The following MYO3B variants were observed in gnomAD, a reference collection of about 807,000 sequenced individuals.
MYO3B encodes the protein myosin IIIB.
A neutral mutation model predicts 174.6 loss-of-function variants in MYO3B; 156 were observed. That is an observed-to-expected ratio of 0.89 (90% CI 0.78 to 1.02). The LOEUF (loss-of-function observed/expected upper bound fraction) is 1.02, where lower values mean the gene tolerates loss of function less well. Among genes scored for constraint, MYO3B ranks in the 50% least tolerant of loss-of-function variants. The probability of loss-of-function intolerance (pLI) is 0.00; values close to 1 mark genes in which losing one functional copy is unlikely to be tolerated. For synonymous variants in MYO3B, 563 were observed against 569.1 expected (o/e 0.99, Z 0.15); for missense variants, 1,632 against 1,639.4 (o/e 1.00, Z 0.08).
chr2:170,515,255 C>T (rs958989447), intron 29 of MYO3B, among the ~76,000 whole-genome samples: 1 of 152,186 alleles, frequency 6.6e-6, no homozygotes, highest in African/African-American at 2.4e-5. Flanking sequence ...TCACAGTTGC[C>T]CCTCCACCTC....
intron 7 of MYO3B, among the ~76,000 whole-genome samples, chr2:170,263,827 T>C (rs2093362774): frequency 6.6e-6 from 1 of 152,120 alleles, no homozygotes; most frequent in African/African-American, 2.4e-5. Context: ...GGCCTTCCTC[T>C]TTTACTAATC....
intron 22 of MYO3B, among the ~76,000 whole-genome samples, chr2:170,437,577 A>G (rs1208770488): frequency 6.6e-6 from 1 of 152,140 alleles, no homozygotes; most frequent in Admixed American, 6.5e-5. Flanking sequence ...TTACCATTAG[A>G]TGATACTTTT....
At chr2:170,318,326 G>A (rs2093790217) in intron 7 of MYO3B, among the ~76,000 whole-genome samples, 1 of 152,170 alleles carries the variant, frequency 6.6e-6, no homozygotes, top group Non-Finnish European at 1.5e-5. Flanking sequence ...CCATGTTAAT[G>A]GTTAACTAGA....
At chr2:170,223,151 T>G (rs6433182) in intron 6 of MYO3B, among the ~76,000 whole-genome samples, 2 of 152,152 alleles carry the variant, frequency 1.3e-5, no homozygotes, top group Admixed American at 1.3e-4. Context: ...TATTATCTCC[T>G]GAGATGTTTG....
chr2:170,597,187 G>A (rs983749484), intron 32 of MYO3B, among the ~76,000 whole-genome samples: 12 of 151,976 alleles, frequency 7.9e-5, no homozygotes, highest in African/African-American at 9.6e-5. Context: ...CCTGGCCAAC[G>A]TGGTGAAACC....
intron 9 of MYO3B, among the ~76,000 whole-genome samples, chr2:170,375,468 G>A (rs1482504232): frequency 1.3e-5 from 2 of 151,734 alleles, no homozygotes; most frequent in Non-Finnish European, 2.9e-5. Flanking sequence ...AAATGCCAAG[G>A]GTCTGTTCTA....
intron 32 of MYO3B, among the ~76,000 whole-genome samples, chr2:170,603,893 G>A (rs534303086): frequency 1.3e-5 from 2 of 152,234 alleles, no homozygotes; most frequent in African/African-American, 2.4e-5. Flanking sequence ...TGGTGGTCCC[G>A]TAAGATTATA....
At chr2:170,471,519 T>G (rs1684975943) in intron 25 of MYO3B, among the ~76,000 whole-genome samples, 1 of 152,226 alleles carries the variant, frequency 6.6e-6, no homozygotes. Context: ...CTGGGAGTTT[T>G]GTAGTTTTAC....
chr2:170,518,633 G>A (rs978408449), intron 29 of MYO3B, among the ~76,000 whole-genome samples: 3 of 152,192 alleles, frequency 2.0e-5, no homozygotes, highest in Admixed American at 2.0e-4. Flanking sequence ...TGGAAGCAGT[G>A]TCTCTCAAAA....
At chr2:170,317,446 A>T (rs1445924888) in intron 7 of MYO3B, among the ~76,000 whole-genome samples, 13 of 145,374 alleles carry the variant, frequency 8.9e-5, no homozygotes, top group Non-Finnish European at 1.8e-4. Context: ...TTCCTGGATG[A>T]TTCTATGCAA....
intron 7 of MYO3B, among the ~76,000 whole-genome samples, chr2:170,275,344 T>G (rs902697866): frequency 6.6e-6 from 1 of 152,182 alleles, no homozygotes; most frequent in Non-Finnish European, 1.5e-5. Flanking sequence ...TTTCAAGACT[T>G]CCCGATGTCT....
At chr2:170,382,356 T>G (rs1365549607) in intron 10 of MYO3B, 2 of 344,928 alleles carry the variant, frequency 5.8e-6, no homozygotes, top group South Asian at 1.7e-4. Context: ...GCTCTTTATA[T>G]TGTAGCCTTA....
At chr2:170,236,634 G>C (rs149665466) in intron 7 of MYO3B, among the ~76,000 whole-genome samples, 12 of 152,126 alleles carry the variant, frequency 7.9e-5, no homozygotes, top group African/African-American at 2.9e-4. Flanking sequence ...TGCGGAAAGA[G>C]GTCTGTTTGG....
At chr2:170,223,108 A>G (rs977360046) in intron 6 of MYO3B, among the ~76,000 whole-genome samples, 1 of 151,892 alleles carries the variant, frequency 6.6e-6, no homozygotes, top group Non-Finnish European at 1.5e-5. Flanking sequence ...GTTCTCTCCT[A>G]CCTACTCTCA....
At chr2:170,390,219 G>C (rs2094402406) in intron 14 of MYO3B, among the ~76,000 whole-genome samples, 1 of 152,182 alleles carries the variant, frequency 6.6e-6, no homozygotes, top group Non-Finnish European at 1.5e-5. Flanking sequence ...CAGGAAGATA[G>C]CTTGTTTGAG....
intron 29 of MYO3B, among the ~76,000 whole-genome samples, chr2:170,517,921 G>A (rs1043262360): frequency 2.4e-4 from 37 of 151,944 alleles, no homozygotes; most frequent in Non-Finnish European, 1.5e-5. Flanking sequence ...AACAGGTGGT[G>A]GCTATTTTTC....
chr2:170,304,898 G>GT (rs201296686), intron 7 of MYO3B, among the ~76,000 whole-genome samples: 3,307 of 147,742 alleles, frequency 0.022, 133 homozygotes, highest in African/African-American at 0.077. Context: ...TTTGTTTAAG[G>GT]TTTATTTTTT....
At chr2:170,520,471 A>ATG (rs1688609509) in intron 30 of MYO3B, among the ~76,000 whole-genome samples, 1 of 151,508 alleles carries the variant, frequency 6.6e-6, no homozygotes, top group Non-Finnish European at 1.5e-5. Flanking sequence ...ACACACATAT[A>ATG]TATACACATA....
At position 170,476,443 on chromosome 2, in the gene MYO3B, G is replaced by A. The variant is rs115897955; in HGVS notation, c.3014+9732G>A. Reference sequence around the variant, plus strand: ...TCATACATGGGCTTGAAGGATGAATGCAGGGGTTTTATTGAGTGGTGGAAG... The same window carrying A: ...TCATACATGGGCTTGAAGGATGAATACAGGGGTTTTATTGAGTGGTGGAAG... On this transcript the variant is annotated intron_variant, in intron 25 of 34. Coordinates refer to ENST00000408978, the MANE Select transcript of MYO3B (RefSeq NM_138995.5). Among the ~76,000 whole-genome samples the A allele has an allele frequency of 4.2e-3, 638 of 152,254 alleles. 5 individuals carry two copies. The highest frequency in any genetic ancestry group is 7.2e-3 in the Non-Finnish European group (488 of 68,024).
Sources: allele counts gnomAD v4.1 joint callset (sites outside exome capture counted in the v4.1 genomes callset), GRCh38; gene constraint gnomAD v4.1.1; transcripts MANE v1.5; gene names NCBI Gene and HGNC (gene_info 2026-07-23, HGNC 2026-07-21).